The following ESR1 variants were observed in gnomAD, a reference collection of about 807,000 sequenced individuals.
The protein encoded by ESR1 is estrogen receptor.
In ESR1, 12 loss-of-function variants were observed where a neutral mutation model predicts 52.7. That is an observed-to-expected ratio of 0.23 (90% CI 0.15 to 0.37). The LOEUF (loss-of-function observed/expected upper bound fraction) is 0.37, where lower values mean the gene tolerates loss of function less well. Ranked by LOEUF, ESR1 falls within the 10% of genes least tolerant of loss-of-function variation. ESR1 has a pLI of 1.00. For missense variants in ESR1, 584 were observed against 779.7 expected, an observed-to-expected ratio of 0.75 and a Z score of 2.99; for synonymous variants, 305 against 316.8, an observed-to-expected ratio of 0.96 and a Z score of 0.39.
intron 3 of ESR1, among the ~76,000 whole-genome samples, chr6:151,903,367 G>A (rs565613071): frequency 6.6e-6 from 1 of 152,236 alleles, no homozygotes; most frequent in South Asian, 2.1e-4. Context: ...ACTTGGATGC[G>A]CTGGTGTGTA....
chr6:152,085,731 C>T (rs891944256), intron 6 of ESR1, among the ~76,000 whole-genome samples: 5 of 152,242 alleles, frequency 3.3e-5, no homozygotes, highest in East Asian at 1.9e-4. Context: ...TAGCCTTCTA[C>T]GACATGCACT....
Position 151,944,296 on chromosome 6 carries a change from C to G in ESR1, c.884C>G (p.Pro295Arg), listed in dbSNP as rs776270356. The G allele has an allele frequency of 6.2e-7, 1 of 1,614,104 alleles. No individual in the cohort carries two copies. Among genetic ancestry groups the G allele is most frequent in the Non-Finnish European group, 8.5e-7 (1 of 1,180,010 alleles). ...AGAGCTGCCAACCTTTGGCCAAGCC[C>G]GCTCATGATCAAACGCTCTAAGAAG... ...DMRAANLWPS[P>R]LMIKRSKKNS... Residue 295 changes from proline (P) to arginine (R), a missense_variant, in exon 4 of 8, where the codon CCG (proline) becomes CGG (arginine). Physicochemically the swap from Pro to Arg is moderately radical, Grantham distance 103 (BLOSUM62 -2). Around this residue, in one of 6 missense-constraint regions of ESR1, gnomAD observed 88 missense variants for 88.3 expected, o/e 1.00. Transcript: ENST00000206249.
intron 4 of ESR1, among the ~76,000 whole-genome samples, chr6:152,006,436 C>T (rs903350580): frequency 3.3e-5 from 5 of 151,728 alleles, no homozygotes; most frequent in Non-Finnish European, 7.4e-5. Context: ...AACGATAGGG[C>T]CCATGATCCA....
chr6:151,686,471 G>T (rs534715162), upstream of ESR1, among the ~76,000 whole-genome samples: 13 of 152,258 alleles, frequency 8.5e-5, no homozygotes, highest in Admixed American at 3.3e-4. Context: ...GGATCACGAG[G>T]TCAGCAGATC....
At chr6:151,756,284 G>A (rs1784279428) in intron 2 of ESR1, among the ~76,000 whole-genome samples, 1 of 151,808 alleles carries the variant, frequency 6.6e-6, no homozygotes, top group Non-Finnish European at 1.5e-5. Context: ...GTATTACTCT[G>A]TCACTTAGGC....
chr6:151,993,329 A>C (rs1042635252), intron 4 of ESR1, among the ~76,000 whole-genome samples: 1 of 152,198 alleles, frequency 6.6e-6, no homozygotes, highest in African/African-American at 2.4e-5. Flanking sequence ...ACGCCTTTGC[A>C]TTACAGCCAG....
chr6:151,838,939 C>T (rs17081782), intron 1 of ESR1, among the ~76,000 whole-genome samples: 2,614 of 152,128 alleles, frequency 0.017, 68 homozygotes, highest in African/African-American at 0.057. Context: ...AATGGGCTCT[C>T]GCTATTAAAT....
At chr6:151,732,695 C>T (rs17081632) in intron 2 of ESR1, among the ~76,000 whole-genome samples, 8,854 of 152,106 alleles carry the variant, frequency 0.058, 868 homozygotes, top group African/African-American at 0.2. Flanking sequence ...ATGATAAAAA[C>T]GCTTTTTGGG....
At chr6:151,695,862 C>T (rs1779296407) in intron 1 of ESR1, among the ~76,000 whole-genome samples, 1 of 152,264 alleles carries the variant, frequency 6.6e-6, no homozygotes, top group Admixed American at 6.5e-5. Flanking sequence ...TATCTTTCAC[C>T]TTAAAACTAT....
chr6:151,925,680 G>GT (rs1167085650), intron 3 of ESR1, among the ~76,000 whole-genome samples: 1 of 151,902 alleles, frequency 6.6e-6, no homozygotes, highest in Non-Finnish European at 1.5e-5. Flanking sequence ...AGTTTGAGGA[G>GT]TTTTTTTGTA....
chr6:151,875,575 A>T (rs1023425898), intron 2 of ESR1, among the ~76,000 whole-genome samples: 1 of 152,172 alleles, frequency 6.6e-6, no homozygotes, highest in Non-Finnish European at 1.5e-5. Flanking sequence ...AAGCAGTTAA[A>T]ACCCAACATA....
At chr6:151,865,909 C>T (rs549197487) in intron 2 of ESR1, among the ~76,000 whole-genome samples, 1 of 152,136 alleles carries the variant, frequency 6.6e-6, no homozygotes, top group African/African-American at 2.4e-5. Context: ...AGCCAAACAC[C>T]CTTGAGAAAT....
intron 2 of ESR1, among the ~76,000 whole-genome samples, chr6:151,872,164 C>T (rs537644546): frequency 6.6e-6 from 1 of 152,316 alleles, no homozygotes. Flanking sequence ...TCTCCCACTT[C>T]ATTTTGACAC....
rs138506833 is a variant in ESR1 at position 151,836,750 on chromosome 6, G to A, written c.453-5847G>A. ...GTATAGGGAATTTTGAGTGTACATA[G>A]CTTTGGGGACTTGATTTGATGAGGG... On this transcript the variant is annotated intron_variant, in intron 1 of 7. Transcript: ENST00000206249. Among the ~76,000 whole-genome samples the A allele has an allele frequency of 3.7e-3, 556 of 152,294 alleles. 2 individuals are homozygous for A. The highest frequency in any genetic ancestry group is 0.013 in the African/African-American group (526 of 41,556).
chr6:151,978,898 G>C (rs1363003527), intron 4 of ESR1, among the ~76,000 whole-genome samples: 1 of 152,180 alleles, frequency 6.6e-6, no homozygotes, highest in African/African-American at 2.4e-5. Context: ...ATGCAAGAAA[G>C]AATGGTAAGT....
chr6:151,820,728 G>A (rs1264862205), intron 1 of ESR1, among the ~76,000 whole-genome samples: 1 of 152,158 alleles, frequency 6.6e-6, no homozygotes, highest in Non-Finnish European at 1.5e-5. Flanking sequence ...TGTGTCCCGA[G>A]GCTGCTGCTT....
Position 152,114,752 on chromosome 6 carries a change from G to A in ESR1, c.851-10514G>A, listed in dbSNP as rs538020264. 5.3e-5 allele frequency among the ~76,000 whole-genome samples: 8 copies of A among 150,638 alleles called. No individual in the cohort carries two copies. In the East Asian group the frequency reaches 1.2e-3, roughly 22 times the overall value. On this transcript the variant is annotated intron_variant, in intron 6 of 6. Transcript: ENST00000427531. ...TAAAAATACAAAAAATTAGCCGGGC[G>A]TAGTGGCGGGCGCCTGTAGTCCCAG...
Position 151,944,414 on chromosome 6 carries a change from C to A in ESR1, c.1002C>A (p.Thr334=), listed in dbSNP as rs1743097620. The stretch of plus-strand genomic sequence containing the variant: ...TACTCTATTCCGAGTATGATCCTAC[C>A]AGACCCTTCAGTGAAGCTTCGATGA... ...PPILYSEYDP[T]RPFSEASMMG... is the part of the protein sequence containing the mutation. Residue 334 remains threonine (T), a synonymous_variant, in exon 4 of 8, where the codon ACC becomes ACA. Coordinates refer to ENST00000206249, the MANE Select transcript of ESR1 (RefSeq NM_000125.4). The A allele has an allele frequency of 6.2e-7, 1 of 1,614,080 alleles. No individual in the cohort carries two copies. The highest frequency in any genetic ancestry group is 1.3e-5 in the African/African-American group (1 of 75,044).
intron 6 of ESR1, among the ~76,000 whole-genome samples, chr6:152,072,538 G>A (rs185205354): frequency 6.6e-6 from 1 of 152,204 alleles, no homozygotes; most frequent in African/African-American, 2.4e-5. Flanking sequence ...CTGAACATGG[G>A]GTTTTGCTAT....
Sources: allele counts gnomAD v4.1 joint callset (sites outside exome capture counted in the v4.1 genomes callset), GRCh38; gene constraint gnomAD v4.1.1; regional missense constraint gnomAD v4.1.1; transcripts MANE v1.5; gene names NCBI Gene and HGNC (gene_info 2026-07-23, HGNC 2026-07-21).